GALNT13: variants seen among roughly 807,000 people sequenced by gnomAD.
The protein encoded by GALNT13 is polypeptide N-acetylgalactosaminyltransferase 13, also known as UDP-GalNAc:polypeptide N-acetylgalactosaminyltransferase 13.
A neutral mutation model predicts 64.2 loss-of-function variants in GALNT13; 28 were observed. The observed-to-expected ratio is 0.44, with a 90% CI of 0.32 to 0.60. The LOEUF (loss-of-function observed/expected upper bound fraction) is 0.60, where lower values mean the gene tolerates loss of function less well. Among genes scored for constraint, GALNT13 ranks in the 20% least tolerant of loss-of-function variants. GALNT13 has a pLI of 0.05. For missense variants in GALNT13, 577 were observed against 669.8 expected (o/e 0.86, Z 1.53); for synonymous variants, 214 against 224.6 (o/e 0.95, Z 0.42).
At chr2:153,246,148 G>A in the GALNT13 span, among the ~76,000 whole-genome samples, 1 of 152,132 alleles carries the variant, frequency 6.6e-6, no homozygotes, top group Non-Finnish European at 1.5e-5. Flanking sequence ...ATGGGACTAT[G>A]TGAAAAGACT....
Position 154,079,564 on chromosome 2 carries a change from G to T in GALNT13, c.143-60773G>T, listed in dbSNP as rs72870326. On this transcript the variant is annotated intron_variant, in intron 3 of 12. Coordinates refer to ENST00000392825, the MANE Select transcript of GALNT13 (RefSeq NM_052917.4). ...GAGGTCAAGTGACCTGTTTAACCTT[G>T]CACCTCAAATTTTATATGCTGGACT... is the stretch of plus-strand genomic sequence containing the variant. Among the ~76,000 whole-genome samples the T allele has an allele frequency of 3.6e-3, 547 of 151,622 alleles. 1 individual carries two copies. The highest frequency in any genetic ancestry group is 6.3e-3 in the Non-Finnish European group (427 of 67,716).
In GALNT13 at chr2:154,242,712, A is replaced by T; in HGVS notation, c.493A>T (p.Thr165Ser). ...DASERDFLKL[T>S]LENYVKNLEV... ...ACATGTTACAGATTTTCTCAAGTTG[A>T]CATTAGAGAATTACGTGAAAAATTT... Residue 165 changes from threonine (T) to serine (S), a missense_variant, in exon 6 of 13, where the codon ACA becomes TCA. Thr to Ser is a moderately conservative substitution (Grantham distance 58). Around this residue, in one of 3 missense-constraint regions of GALNT13, gnomAD observed 341 missense variants for 379.3 expected, o/e 0.90. Coordinates refer to ENST00000392825, the MANE Select transcript of GALNT13 (RefSeq NM_052917.4). 1.2e-6 allele frequency: 2 copies of T among 1,608,998 alleles called. No individual in the cohort carries two copies. Among genetic ancestry groups the T allele is most frequent in the South Asian group, 2.2e-5 (2 of 90,952 alleles).
At chr2:153,958,962 G>A (rs1692758222) in intron 3 of GALNT13, among the ~76,000 whole-genome samples, 1 of 152,172 alleles carries the variant, frequency 6.6e-6, no homozygotes, top group Admixed American at 6.5e-5. Context: ...TGTCCATCAG[G>A]CCAGGGGCCT....
chr2:154,158,166 A>G (rs1321778025), intron 4 of GALNT13, among the ~76,000 whole-genome samples: 1 of 152,088 alleles, frequency 6.6e-6, no homozygotes, highest in Admixed American at 6.6e-5. Context: ...TCCCTTGACT[A>G]TCCAACACTC....
chr2:154,345,955 A>C (rs1485807617), intron 9 of GALNT13, among the ~76,000 whole-genome samples: 1 of 152,068 alleles, frequency 6.6e-6, no homozygotes, highest in Admixed American at 6.6e-5. Flanking sequence ...CTAAATCTCT[A>C]TTCAAAATTT....
chr2:153,389,064 C>T, the GALNT13 span, among the ~76,000 whole-genome samples: 3 of 152,180 alleles, frequency 2.0e-5, no homozygotes, highest in South Asian at 4.2e-4. Flanking sequence ...CCTGTCAATA[C>T]AGTTCATCAT....
the GALNT13 span, among the ~76,000 whole-genome samples, chr2:153,344,562 A>G: frequency 6.6e-6 from 1 of 152,080 alleles, no homozygotes; most frequent in Non-Finnish European, 1.5e-5. Flanking sequence ...GTGATTATAT[A>G]AGCATTCCCC....
chr2:153,426,017 A>G, the GALNT13 span, among the ~76,000 whole-genome samples: 1 of 151,868 alleles, frequency 6.6e-6, no homozygotes, highest in Non-Finnish European at 1.5e-5. Context: ...GGATTTCACC[A>G]ATTTTGTTTA....
chr2:154,306,624 G>GT (rs1553512845), intron 9 of GALNT13, among the ~76,000 whole-genome samples: 3 of 149,698 alleles, frequency 2.0e-5, no homozygotes, highest in Admixed American at 6.7e-5. Flanking sequence ...TTGGTGGGGG[G>GT]GGGGTCAAGA....
chr2:153,329,980 C>A, the GALNT13 span, among the ~76,000 whole-genome samples: 3 of 152,190 alleles, frequency 2.0e-5, no homozygotes, highest in Admixed American at 6.5e-5. Flanking sequence ...AGTCCAGTTT[C>A]ATTCTTCTGC....
At chr2:153,673,725 A>G in the GALNT13 span, among the ~76,000 whole-genome samples, 1 of 152,160 alleles carries the variant, frequency 6.6e-6, no homozygotes, top group South Asian at 2.1e-4. Context: ...GACAAGAGAA[A>G]GAAATAAAGG....
At chr2:154,282,096 G>A (rs1691992272) in intron 8 of GALNT13, among the ~76,000 whole-genome samples, 1 of 152,044 alleles carries the variant, frequency 6.6e-6, no homozygotes, top group Non-Finnish European at 1.5e-5. Flanking sequence ...ATAAATACAT[G>A]GGATGGATTC....
the GALNT13 span, among the ~76,000 whole-genome samples, chr2:153,780,062 A>C: frequency 3.3e-5 from 5 of 151,860 alleles, no homozygotes; most frequent in Non-Finnish European, 7.4e-5. Context: ...CTGCCTTCTT[A>C]TCTCAGTTAG....
the GALNT13 span, among the ~76,000 whole-genome samples, chr2:153,094,698 C>T: frequency 6.6e-6 from 1 of 152,216 alleles, no homozygotes; most frequent in African/African-American, 2.4e-5. Context: ...AGATACAGAC[C>T]AATGGAACAG....
the GALNT13 span, among the ~76,000 whole-genome samples, chr2:153,550,433 A>C: frequency 6.6e-6 from 1 of 151,682 alleles, no homozygotes; most frequent in Non-Finnish European, 1.5e-5. Context: ...AGGTTTTGCC[A>C]TGTTGGCCAG....
chr2:153,849,334 G>A, the GALNT13 span, among the ~76,000 whole-genome samples: 1 of 152,108 alleles, frequency 6.6e-6, no homozygotes, highest in African/African-American at 2.4e-5. Flanking sequence ...TTTTCCCTTA[G>A]AGAATAGAAA....
chr2:153,570,655 T>C, the GALNT13 span, among the ~76,000 whole-genome samples: 1 of 152,074 alleles, frequency 6.6e-6, no homozygotes. Flanking sequence ...GATGGGGTCC[T>C]GTTTAATTCT....
Position 153,961,821 on chromosome 2 carries a change from C to T in GALNT13, c.142+17182C>T, listed in dbSNP as rs113961481. On this transcript the variant is annotated intron_variant, in intron 3 of 12. Transcript: ENST00000392825. ...AAATGGGAATGGACAGATTTTATCT[C>T]TACTCAGTAGAAATTATTGTAATTA... Among the ~76,000 whole-genome samples the T allele has an allele frequency of 2.7e-3, 409 of 152,236 alleles. 1 individual carries two copies. The highest frequency in any genetic ancestry group is 9.3e-3 in the African/African-American group (387 of 41,564).
the GALNT13 span, among the ~76,000 whole-genome samples, chr2:153,572,795 G>C: frequency 1.3e-5 from 2 of 151,430 alleles, no homozygotes; most frequent in Admixed American, 1.3e-4. Context: ...TTCCATGGTG[G>C]TCAGAGTAGA....
Sources: gnomAD v4.1 joint callset for allele counts (sites outside exome capture counted in the v4.1 genomes callset) on GRCh38, gnomAD v4.1.1 for gene constraint, gnomAD v4.1.1 regional missense constraint, MANE v1.5 for transcripts, NCBI Gene and HGNC (gene_info 2026-07-23, HGNC 2026-07-21) for gene names.